The following TRPM6 variants were observed in gnomAD, a reference collection of about 807,000 sequenced individuals.
TRPM6 encodes transient receptor potential cation channel subfamily M member 6.
TRPM6 carries 111 observed loss-of-function variants against 247.6 expected under a neutral mutation model. The observed-to-expected ratio is 0.45, with a 90% confidence interval of 0.38 to 0.52. The LOEUF (loss-of-function observed/expected upper bound fraction) is 0.52. TRPM6 is among the 20% of genes least tolerant of loss of function. The pLI is 0.00. For synonymous variants in TRPM6, 892 were observed against 853.8 expected (o/e 1.04, Z -0.78); for missense variants, 2,126 against 2,421.5 (o/e 0.88, Z 2.56).
intron 36 of TRPM6, chr9:74,737,427 G>C: frequency 7.8e-7 from 1 of 1,289,750 alleles, no homozygotes; most frequent in Non-Finnish European, 1.0e-6. Context: ...CTGGCTTTCA[G>C]CATAGAATCC....
At chr9:74,731,753 A>G (rs1443803438) in intron 37 of TRPM6, among the ~76,000 whole-genome samples, 3 of 150,686 alleles carry the variant, frequency 2.0e-5, no homozygotes, top group Non-Finnish European at 3.0e-5. Flanking sequence ...GGGGTCAAGT[A>G]TAGACAATTA....
intron 29 of TRPM6, 59 bp from the exon 30 acceptor site, chr9:74,750,781 T>C (rs1826219073): frequency 6.7e-7 from 1 of 1,488,958 alleles, no homozygotes; most frequent in African/African-American, 1.4e-5. Context: ...CCCAAGTTTC[T>C]AGGAATGATC....
At chr9:74,748,733 AT>A (rs1202321173) in intron 30 of TRPM6, among the ~76,000 whole-genome samples, 2 of 152,356 alleles carry the variant, frequency 1.3e-5, no homozygotes, top group East Asian at 3.9e-4. Context: ...AGTCAAAAAG[AT>A]TTTTAAATGT....
At chr9:74,782,519 C>T in intron 22 of TRPM6, 43 bp from the exon 23 acceptor site, 1 of 1,518,220 alleles carries the variant, frequency 6.6e-7, no homozygotes, top group South Asian at 1.1e-5. Flanking sequence ...TAAGATGAAT[C>T]ACAGTCCTGC....
intron 33 of TRPM6, among the ~76,000 whole-genome samples, chr9:74,741,650 G>A (rs181155395): frequency 1.3e-5 from 2 of 152,122 alleles, no homozygotes; most frequent in African/African-American, 4.8e-5. Flanking sequence ...AGCACTTTGG[G>A]AGTCTGGGGC....
chr9:74,812,455 A>T (rs556560878), intron 11 of TRPM6, 22 bp from the exon 12 acceptor site: 1 of 1,610,058 alleles, frequency 6.2e-7, no homozygotes, highest in East Asian at 2.2e-5. Flanking sequence ...ACAAATAAGA[A>T]ATATAAAGAC....
intron 38 of TRPM6, among the ~76,000 whole-genome samples, chr9:74,725,227 C>T (rs1054259434): frequency 6.6e-6 from 1 of 152,048 alleles, no homozygotes; most frequent in African/African-American, 2.4e-5. Flanking sequence ...GCCCTCCTTC[C>T]ATTTGAAAAG....
intron 25 of TRPM6, among the ~76,000 whole-genome samples, chr9:74,770,068 T>C (rs888137400): frequency 2.6e-5 from 4 of 152,182 alleles, no homozygotes; most frequent in African/African-American, 9.7e-5. Flanking sequence ...ACTCAATCTT[T>C]GATATTCAAT....
chr9:74,811,683 T>C (rs932632900), intron 12 of TRPM6, among the ~76,000 whole-genome samples: 2 of 152,236 alleles, frequency 1.3e-5, no homozygotes, highest in African/African-American at 4.8e-5. Context: ...GTTTCTCCTT[T>C]GGTTGAAGAG....
intron 36 of TRPM6, 61 bp downstream of exon 36, chr9:74,738,346 T>C (rs1825758375): frequency 1.3e-6 from 2 of 1,582,810 alleles, no homozygotes; most frequent in Admixed American, 3.3e-5. Flanking sequence ...TCCTGGTTCT[T>C]GCAAGATCTC....
chr9:74,761,624 G>T, intron 27 of TRPM6, 72 bp downstream of exon 27: 1 of 906,836 alleles, frequency 1.1e-6, no homozygotes, highest in Non-Finnish European at 1.9e-6. Context: ...TTACAGTAAA[G>T]ATAAATCAAA....
intron 23 of TRPM6, among the ~76,000 whole-genome samples, chr9:74,781,521 A>G (rs1174587799): frequency 7.2e-6 from 1 of 139,474 alleles, no homozygotes; most frequent in Non-Finnish European, 1.5e-5. Context: ...TGGGTAACAG[A>G]GCAAGACTCT....
At chr9:74,835,822 C>T (rs1163721123) in intron 5 of TRPM6, among the ~76,000 whole-genome samples, 1 of 152,054 alleles carries the variant, frequency 6.6e-6, no homozygotes, top group African/African-American at 2.4e-5. Flanking sequence ...TTTGGGTTCA[C>T]AGCAAAATTG....
At chr9:74,736,099 C>G (rs1825684920) in intron 36 of TRPM6, among the ~76,000 whole-genome samples, 1 of 152,336 alleles carries the variant, frequency 6.6e-6, no homozygotes, top group South Asian at 2.1e-4. Flanking sequence ...GAGATTAATG[C>G]TTACAGCAAC....
intron 2 of TRPM6, among the ~76,000 whole-genome samples, chr9:74,856,463 G>C (rs867190711): frequency 6.5e-5 from 6 of 92,618 alleles, no homozygotes; most frequent in African/African-American, 2.1e-4. Flanking sequence ...GTGTGTGTGT[G>C]TGTCTGTGTG....
At chr9:74,777,384 T>C (rs1055971713) in intron 23 of TRPM6, among the ~76,000 whole-genome samples, 3 of 152,214 alleles carry the variant, frequency 2.0e-5, no homozygotes, top group Non-Finnish European at 4.4e-5. Flanking sequence ...GGTCACTTTG[T>C]ATGGTCTTCA....
At chr9:74,832,371 G>A (rs945380764) in intron 6 of TRPM6, among the ~76,000 whole-genome samples, 2 of 151,978 alleles carry the variant, frequency 1.3e-5, no homozygotes, top group Non-Finnish European at 2.9e-5. Flanking sequence ...TTTGGATAAT[G>A]AAATCAAATC....
chr9:74,859,023 G>T (rs1396289671), intron 1 of TRPM6, among the ~76,000 whole-genome samples: 1 of 152,190 alleles, frequency 6.6e-6, no homozygotes, highest in African/African-American at 2.4e-5. Context: ...TAGCAAGGAA[G>T]TAAAGATGTA....
At chr9:74,879,328 T>C (rs1269881219) in intron 1 of TRPM6, among the ~76,000 whole-genome samples, 1 of 149,916 alleles carries the variant, frequency 6.7e-6, no homozygotes, top group African/African-American at 2.4e-5. Flanking sequence ...ATATATGATT[T>C]ATATACATAT....
Sources: allele counts gnomAD v4.1 joint callset (sites outside exome capture counted in the v4.1 genomes callset), GRCh38; gene constraint gnomAD v4.1.1; transcripts MANE v1.5; gene names NCBI Gene and HGNC (gene_info 2026-07-23, HGNC 2026-07-21).